Variants in CLEC16A observed in about 807,000 individuals in gnomAD.
The protein encoded by CLEC16A is protein CLEC16A.
In CLEC16A, 51 loss-of-function variants were observed where a neutral mutation model predicts 109.5. That is an observed-to-expected ratio of 0.47 (90% CI 0.37 to 0.59). The LOEUF (loss-of-function observed/expected upper bound fraction) is 0.59, where lower values mean the gene tolerates loss of function less well. Ranked by LOEUF, CLEC16A falls within the 20% of genes least tolerant of loss-of-function variation. The pLI is 0.00. For synonymous variants in CLEC16A, 673 were observed against 564.2 expected, an observed-to-expected ratio of 1.19 and a Z score of -2.73; for missense variants, 1,339 against 1,394.0, an observed-to-expected ratio of 0.96 and a Z score of 0.63.
intron 13 of CLEC16A, among the ~76,000 whole-genome samples, chr16:11,035,467 AAG>A (rs1403122943): frequency 6.6e-6 from 1 of 152,216 alleles, no homozygotes; most frequent in Non-Finnish European, 1.5e-5. Flanking sequence ...GGTGGAGGGA[AAG>A]AGCGTTAACC....
At chr16:11,092,401 C>CACACACACACACAT (rs1491089667) in intron 19 of CLEC16A, among the ~76,000 whole-genome samples, 26 of 144,458 alleles carry the variant, frequency 1.8e-4, no homozygotes, top group Non-Finnish European at 1.2e-4. Flanking sequence ...CACACACACA[C>CACACACACACACAT]ATGCCAGGTG....
intron 10 of CLEC16A, among the ~76,000 whole-genome samples, chr16:10,999,420 G>A (rs2044528880): frequency 6.6e-6 from 1 of 152,100 alleles, no homozygotes; most frequent in South Asian, 2.1e-4. Flanking sequence ...ATCACGTATA[G>A]CCTTTGAAAA....
At chr16:11,148,080 T>C (rs1224238927) in intron 22 of CLEC16A, among the ~76,000 whole-genome samples, 1 of 152,228 alleles carries the variant, frequency 6.6e-6, no homozygotes, top group Non-Finnish European at 1.5e-5. Context: ...CAGAAATCTC[T>C]GTTGATTGTG....
chr16:11,092,397 CACACAT>C (rs1360446023), intron 19 of CLEC16A, among the ~76,000 whole-genome samples: 68 of 149,594 alleles, frequency 4.5e-4, no homozygotes, highest in African/African-American at 1.6e-3. Context: ...CACACACACA[CACACAT>C]GCCAGGTGTG....
intron 11 of CLEC16A, among the ~76,000 whole-genome samples, chr16:11,013,869 G>A (rs1300385944): frequency 2.6e-5 from 4 of 152,090 alleles, no homozygotes; most frequent in African/African-American, 7.2e-5. Flanking sequence ...AACTTGGGAG[G>A]CAGAAGTTGT....
intron 9 of CLEC16A, among the ~76,000 whole-genome samples, chr16:10,981,314 G>C (rs1014312500): frequency 1.3e-5 from 2 of 152,192 alleles, no homozygotes; most frequent in Non-Finnish European, 2.9e-5. Context: ...GCAGTAATTC[G>C]GCCATAAGGA....
chr16:11,044,142 C>CTATG, intron 16 of CLEC16A, 70 bp downstream of exon 16: 2 of 1,354,030 alleles, frequency 1.5e-6, no homozygotes, highest in Non-Finnish European at 2.0e-6. Context: ...GTGTCTGGTT[C>CTATG]TATGCAGATA....
Position 11,042,420 on chromosome 16 carries a change from G to T in CLEC16A, c.1770+57G>T, listed in dbSNP as rs1410810756. 6.6e-6 allele frequency: 9 copies of T among 1,369,856 alleles called. No homozygotes were observed. The Admixed American group carries it at 1.6e-4, about 25-fold the overall frequency. 84.9% of individuals were successfully genotyped at this position (1,369,856 alleles called of 1,614,324 possible). On this transcript the variant is annotated intron_variant, in intron 15 of 23. Transcript: ENST00000409790. ...GCCAAGGGAGAGGGACAGGAGGACAGGAGGGAAGCTGCTGGCATCCAGATA... is the reference window on the plus strand; with the variant it reads ...GCCAAGGGAGAGGGACAGGAGGACATGAGGGAAGCTGCTGGCATCCAGATA...
chr16:11,040,048 T>TAAGACACAGTCCCAGCA, intron 14 of CLEC16A, 172 bp downstream of exon 14: 1 of 739,440 alleles, frequency 1.4e-6, no homozygotes, highest in Non-Finnish European at 2.1e-6. Context: ...TCCTGCCTGC[T>TAAGACACAGTCCCAGCA]GGGACTGTGT....
intron 22 of CLEC16A, among the ~76,000 whole-genome samples, chr16:11,156,913 G>GC (rs2054547675): frequency 4.3e-5 from 4 of 93,714 alleles, no homozygotes; most frequent in East Asian, 3.2e-4. Context: ...CAGCCCAAAT[G>GC]CCCGCCCCCC....
chr16:11,061,405 C>G (rs1461125598), intron 19 of CLEC16A, among the ~76,000 whole-genome samples: 1 of 152,152 alleles, frequency 6.6e-6, no homozygotes, highest in Admixed American at 6.5e-5. Context: ...GGTTCTGCTG[C>G]TAAAGAAAGA....
chr16:10,951,355 T>C (rs759208069), intron 1 of CLEC16A, among the ~76,000 whole-genome samples: 2 of 152,134 alleles, frequency 1.3e-5, no homozygotes, highest in Non-Finnish European at 2.9e-5. Context: ...TCTGATAGTA[T>C]TTTCATGCCT....
intron 22 of CLEC16A, among the ~76,000 whole-genome samples, chr16:11,159,719 G>T (rs78388954): frequency 8.3e-6 from 1 of 121,106 alleles, no homozygotes; most frequent in Non-Finnish European, 1.8e-5. Flanking sequence ...TAGATCGCCT[G>T]TTTTTTTCCC....
chr16:10,972,071 G>A (rs1020616562), intron 5 of CLEC16A, among the ~76,000 whole-genome samples: 30 of 152,194 alleles, frequency 2.0e-4, no homozygotes, highest in African/African-American at 7.0e-4. Context: ...CGCAAACTGA[G>A]GACCTGTGGG....
chr16:11,001,908 T>A (rs533463401), intron 10 of CLEC16A, among the ~76,000 whole-genome samples: 1 of 152,216 alleles, frequency 6.6e-6, no homozygotes, highest in South Asian at 2.1e-4. Flanking sequence ...GAGCCAGAAT[T>A]TGACAACACC....
At chr16:11,123,673 T>C in intron 20 of CLEC16A, 69 bp from the exon 21 acceptor site, 1 of 1,467,742 alleles carries the variant, frequency 6.8e-7, no homozygotes, top group Non-Finnish European at 9.5e-7. Context: ...TGCCTCATGA[T>C]GCCACAGCTC....
intron 22 of CLEC16A, among the ~76,000 whole-genome samples, chr16:11,145,293 G>A (rs143097626): frequency 4.6e-5 from 7 of 152,304 alleles, no homozygotes; most frequent in African/African-American, 1.2e-4. Context: ...CGGGCTACCC[G>A]TGGGGCCCGA....
intron 11 of CLEC16A, among the ~76,000 whole-genome samples, chr16:11,010,811 C>T (rs1337561867): frequency 3.3e-5 from 5 of 152,242 alleles, no homozygotes; most frequent in Non-Finnish European, 7.3e-5. Context: ...TACTCCGGAA[C>T]ATTTCCACGA....
At chr16:11,007,083 A>G (rs1293170531) in intron 11 of CLEC16A, among the ~76,000 whole-genome samples, 2 of 152,212 alleles carry the variant, frequency 1.3e-5, no homozygotes, top group African/African-American at 2.4e-5. Flanking sequence ...TTAGAGCAGT[A>G]ACTTAATAAG....
Sources: gnomAD v4.1 joint callset for allele counts (sites outside exome capture counted in the v4.1 genomes callset) on GRCh38, gnomAD v4.1.1 for gene constraint, MANE v1.5 for transcripts, NCBI Gene and HGNC (gene_info 2026-07-23, HGNC 2026-07-21) for gene names.